The following NBEAL1 variants were observed in gnomAD, a reference collection of about 807,000 sequenced individuals.
NBEAL1 encodes the protein neurobeachin like 1, also known as neurobeachin-like protein 1.
NBEAL1 carries 273 observed loss-of-function variants against 351.3 expected under a neutral mutation model. The observed-to-expected ratio is 0.78, with a 90% confidence interval of 0.70 to 0.86. The LOEUF (loss-of-function observed/expected upper bound fraction) is 0.86. Ranked by LOEUF, NBEAL1 falls within the 40% of genes least tolerant of loss-of-function variation. The pLI, the probability that NBEAL1 is intolerant of heterozygous loss-of-function variation, is 0.00. For synonymous variants in NBEAL1, 1,050 were observed against 1,086.4 expected, an observed-to-expected ratio of 0.97 and a Z score of 0.66; for missense variants, 2,961 against 3,201.3, an observed-to-expected ratio of 0.92 and a Z score of 1.81.
intron 10 of NBEAL1, among the ~76,000 whole-genome samples, chr2:203,088,069 A>C (rs891008412): frequency 2.0e-5 from 3 of 152,098 alleles, no homozygotes; most frequent in African/African-American, 7.2e-5. Flanking sequence ...TTTCATGTTT[A>C]CTCTATAGCT....
intron 45 of NBEAL1, among the ~76,000 whole-genome samples, chr2:203,189,117 T>C (rs1226252226): frequency 6.6e-6 from 1 of 152,216 alleles, no homozygotes; most frequent in African/African-American, 2.4e-5. Context: ...ATTCAGGTAA[T>C]AGGTTTGTAA....
In NBEAL1 at chr2:203,134,068, G is replaced by A. The variant is rs115347750; in HGVS notation, c.3813+922G>A. Among the ~76,000 whole-genome samples, 683 of 152,092 alleles carry A rather than the reference G, an allele frequency of 4.5e-3. 1 individual carries two copies. The highest frequency in any genetic ancestry group is 7.5e-3 in the Non-Finnish European group (512 of 67,940). On this transcript the variant is annotated intron_variant, in intron 27 of 55. Coordinates refer to ENST00000683969, the MANE Select transcript of NBEAL1 (RefSeq NM_001378026.1). ...TGAAATAGAATTGCTGTTTCAAAGG[G>A]TATTAACGTTTTACATTTTGATGGA...
intron 7 of NBEAL1, among the ~76,000 whole-genome samples, chr2:203,072,245 T>C (rs2061695510): frequency 6.6e-6 from 1 of 152,216 alleles, no homozygotes; most frequent in Non-Finnish European, 1.5e-5. Flanking sequence ...CCTTCCCACT[T>C]TCTCTGTCCC....
intron 42 of NBEAL1, among the ~76,000 whole-genome samples, chr2:203,179,842 A>G (rs2064646287): frequency 6.6e-6 from 1 of 152,012 alleles, no homozygotes. Context: ...GCAGTGGCAC[A>G]ATCTCCCAGG....
chr2:203,116,361 G>C (rs1409456969), intron 18 of NBEAL1, among the ~76,000 whole-genome samples: 2 of 152,042 alleles, frequency 1.3e-5, no homozygotes, highest in African/African-American at 4.8e-5. Flanking sequence ...GTTTGTGTTT[G>C]TATTCTCATA....
At chr2:203,211,350 A>C (rs1444857212) in intron 54 of NBEAL1, among the ~76,000 whole-genome samples, 2 of 152,138 alleles carry the variant, frequency 1.3e-5, no homozygotes, top group Non-Finnish European at 2.9e-5. Flanking sequence ...GCAATTAAAA[A>C]ATTTTTTAGG....
At chr2:203,123,913 C>G (rs1335345575) in intron 19 of NBEAL1, among the ~76,000 whole-genome samples, 1 of 151,974 alleles carries the variant, frequency 6.6e-6, no homozygotes, top group East Asian at 1.9e-4. Flanking sequence ...TATTTTTATA[C>G]TGTAGCCAAA....
Position 203,083,351 on chromosome 2 carries a change from A to G in NBEAL1, c.817A>G (p.Thr273Ala). 1.3e-6 allele frequency: 2 copies of G among 1,554,792 alleles called. No homozygotes were observed. The highest frequency in any genetic ancestry group is 2.4e-5 in the South Asian group (2 of 84,318). The change falls in exon 9 of 56, where the codon ACA becomes GCA. Residue 273 changes from threonine to alanine, a missense_variant. By Grantham distance (58) the Thr-to-Ala change is moderately conservative. Transcript: ENST00000683969. ...GGCAGAACTAACTCTGAAGTGCCTT[A>G]CAGAAGTGGTACATATCCTTCTCAG... ...RKAELTLKCL[T>A]EVVHILLSSN...
chr2:203,090,713 C>A (rs553276085), intron 10 of NBEAL1, among the ~76,000 whole-genome samples: 21 of 152,078 alleles, frequency 1.4e-4, no homozygotes, highest in African/African-American at 4.8e-4. Context: ...ACATGGAAAC[C>A]CCGTCTCTAC....
Position 203,199,374 on chromosome 2 carries a change from G to A in NBEAL1, c.7165G>A (p.Gly2389Arg). Residue 2389 changes from glycine (G) to arginine (R), a missense_variant, in exon 49 of 56, where the codon GGA becomes AGA. Gly to Arg is a moderately radical substitution (Grantham distance 125). Transcript: ENST00000683969. The part of the protein sequence containing the change: ...ISMNYVIGTH[G>R]WLPYDRNISN... ...CATGAATTATGTTATTGGAACCCAT[G>A]GATGGTTGCCTTATGACAGAAACAT... 6.2e-7 allele frequency: 1 copy of A among 1,606,354 alleles called. No homozygotes were observed.
chr2:203,118,386 C>T (rs1443518078), intron 18 of NBEAL1, among the ~76,000 whole-genome samples: 1 of 152,076 alleles, frequency 6.6e-6, no homozygotes, highest in Non-Finnish European at 1.5e-5. Context: ...GTTATAAGGT[C>T]TCTTGAGTCT....
chr2:203,099,572 T>C, intron 11 of NBEAL1, 57 bp from the exon 12 acceptor site: 1 of 1,144,882 alleles, frequency 8.7e-7, no homozygotes, highest in Non-Finnish European at 1.3e-6. Flanking sequence ...GTTTCCTAAC[T>C]CAATAAAAAT....
At chr2:203,196,426 G>C (rs2065243012) in intron 47 of NBEAL1, among the ~76,000 whole-genome samples, 1 of 152,156 alleles carries the variant, frequency 6.6e-6, no homozygotes, top group Admixed American at 6.5e-5. Context: ...CCTTTTGTAG[G>C]TCATCTCTTC....
At chr2:203,150,846 A>G (rs373181139) in intron 34 of NBEAL1, among the ~76,000 whole-genome samples, 6 of 152,212 alleles carry the variant, frequency 3.9e-5, no homozygotes, top group African/African-American at 1.4e-4. Flanking sequence ...GAGTAAAGGT[A>G]TCAAGCTGTC....
At position 203,199,351 on chromosome 2, in the gene NBEAL1, T is replaced by G. The variant is rs761146824; in HGVS notation, c.7142T>G (p.Met2381Arg). Residue 2381 changes from methionine to arginine, a missense_variant, in exon 49 of 56, where the codon ATG becomes AGG. Coordinates refer to ENST00000683969, the MANE Select transcript of NBEAL1 (RefSeq NM_001378026.1). ...GTTCTTTTCCAGATAACAATAAGCA[T>G]GAATTATGTTATTGGAACCCATGGA... ...GSPELLITIS[M>R]NYVIGTHGWL... 1 of 1,577,596 alleles carries G rather than the reference T, an allele frequency of 6.3e-7. No individual in the cohort carries two copies. Among genetic ancestry groups the G allele is most frequent in the Non-Finnish European group, 8.7e-7 (1 of 1,149,818 alleles).
intron 2 of NBEAL1, among the ~76,000 whole-genome samples, chr2:203,029,173 A>G (rs753586972): frequency 2.6e-4 from 39 of 152,138 alleles, no homozygotes; most frequent in Non-Finnish European, 4.7e-4. Flanking sequence ...TACTTTTAGT[A>G]GAGATGAGGT....
At chr2:203,124,426 A>G (rs1233002418) in intron 19 of NBEAL1, among the ~76,000 whole-genome samples, 1 of 152,222 alleles carries the variant, frequency 6.6e-6, no homozygotes, top group African/African-American at 2.4e-5. Context: ...AGTTAATAAA[A>G]TTACATTTTA....
At chr2:203,116,107 A>G in intron 18 of NBEAL1, 37 bp downstream of exon 18, 12 of 1,406,100 alleles carry the variant, frequency 8.5e-6, no homozygotes, top group Non-Finnish European at 1.2e-5. Flanking sequence ...TCTAGTTATA[A>G]CTATGTTGTG....
intron 4 of NBEAL1, among the ~76,000 whole-genome samples, chr2:203,055,261 C>T (rs1008095106): frequency 2.6e-5 from 4 of 152,130 alleles, no homozygotes; most frequent in African/African-American, 9.7e-5. Context: ...TCTGCCTGTA[C>T]CCTGTTTTCT....
Sources: gnomAD v4.1 joint callset for allele counts (sites outside exome capture counted in the v4.1 genomes callset) on GRCh38, gnomAD v4.1.1 for gene constraint, MANE v1.5 for transcripts, NCBI Gene and HGNC (gene_info 2026-07-23, HGNC 2026-07-21) for gene names.